Variants in IL34 observed in about 807,000 individuals in gnomAD.
The protein encoded by IL34 is interleukin 34.
Under a neutral mutation model 25.3 loss-of-function variants are expected in IL34, and 17 were observed. That is an observed-to-expected ratio of 0.67 (90% CI 0.46 to 1.01). The LOEUF is 1.01. IL34 is among the 50% of genes least tolerant of loss of function. The pLI is 0.00. For missense variants in IL34, 368 were observed against 312.9 expected (o/e 1.18, Z -1.33); for synonymous variants, 174 against 140.9 (o/e 1.23, Z -1.66).
chr16:70,628,243 T>C (rs1411872172), intron 1 of IL34, among the ~76,000 whole-genome samples: 2 of 152,206 alleles, frequency 1.3e-5, no homozygotes, highest in Non-Finnish European at 2.9e-5. Context: ...TTTAAATTTA[T>C]ACATTAACTT....
chr16:70,659,111 G>A lies in IL34; in HGVS notation c.403-507G>A, dbSNP rs28641073. Among the ~76,000 whole-genome samples the A allele has an allele frequency of 8.3e-3, 1,268 of 152,222 alleles. 18 individuals carry two copies. The highest frequency in any genetic ancestry group is 0.029 in the African/African-American group (1,195 of 41,510). On this transcript the variant is annotated intron_variant, in intron 4 of 5. Coordinates refer to ENST00000288098, the MANE Select transcript of IL34 (RefSeq NM_001393494.1). The stretch of plus-strand genomic sequence containing the variant: ...TGTTCAGGGACTTGATTCCCTTGGT[G>A]CCACGGTGCACCCCACATGACCCTG...
intron 1 of IL34, among the ~76,000 whole-genome samples, chr16:70,617,177 A>G (rs534504650): frequency 1.1e-3 from 169 of 152,308 alleles, no homozygotes; most frequent in Middle Eastern, 6.8e-3. Context: ...ATGATTTTGT[A>G]TGAATTGAAA....
upstream of IL34, among the ~76,000 whole-genome samples, chr16:70,645,509 G>T (rs1271819387): frequency 6.6e-6 from 1 of 152,346 alleles, no homozygotes; most frequent in South Asian, 2.1e-4. Flanking sequence ...CTGCAGAGCA[G>T]ACACAATGGT....
chr16:70,582,347 CTG>C (rs2050644752), intron 1 of IL34, among the ~76,000 whole-genome samples: 1 of 152,250 alleles, frequency 6.6e-6, no homozygotes, highest in African/African-American at 2.4e-5. Context: ...CTTGGACAGA[CTG>C]GAGAGTTTCT....
rs1196108722 is a variant in IL34 at position 70,625,458 on chromosome 16, G to A, written c.-400-21090G>A. 1.3e-5 allele frequency among the ~76,000 whole-genome samples: 2 copies of A among 152,132 alleles called. 1 individual carries two copies. The highest frequency in any genetic ancestry group is 4.1e-4 in the South Asian group (2 of 4,828). ...CTTGCCGCTAAGGGCGAAGGAGAAG[G>A]GGTTGAGGGGTACTTGCCCCTTCCC... On this transcript the variant is annotated intron_variant, in intron 1 of 6. Transcript: ENST00000429149.
At chr16:70,643,453 C>T (rs1436758833), upstream of IL34, among the ~76,000 whole-genome samples, 3 of 152,226 alleles carry the variant, frequency 2.0e-5, no homozygotes, top group Non-Finnish European at 4.4e-5. Context: ...TCACTGCAGC[C>T]TTGACCTCCC....
intron 1 of IL34, among the ~76,000 whole-genome samples, chr16:70,649,184 C>G (rs540901794): frequency 6.6e-6 from 1 of 152,330 alleles, no homozygotes; most frequent in East Asian, 1.9e-4. Flanking sequence ...TAGAAGAAAA[C>G]AGCTTTACTG....
chr16:70,642,054 A>C (rs2051796983), upstream of IL34, among the ~76,000 whole-genome samples: 1 of 152,206 alleles, frequency 6.6e-6, no homozygotes, highest in African/African-American at 2.4e-5. Context: ...TTCCATAAAA[A>C]AATACCATAG....
Position 70,660,165 on chromosome 16 carries a change from AG to A in IL34, c.710del (p.Gly237AlafsTer12). 1 of 1,596,964 alleles carries A rather than the reference AG, an allele frequency of 6.3e-7. No homozygotes were observed. Among genetic ancestry groups the A allele is most frequent in the African/African-American group, 1.3e-5 (1 of 74,360 alleles). ...STGSVRPVRA[Q>X]GEGLLP is the part of the protein sequence containing the mutation. ...GGCTCGGTGAGGCCGGTCAGGGCAC[AG>A]GGCGAGGGCCTCTTGCCCTGAGCAC... On this transcript the variant is annotated frameshift_variant, in exon 6 of 6. Coordinates refer to ENST00000288098, the MANE Select transcript of IL34 (RefSeq NM_001393494.1). LOFTEE classifies it low-confidence loss of function (END_TRUNC).
At chr16:70,608,239 C>T (rs2051041232) in intron 1 of IL34, among the ~76,000 whole-genome samples, 1 of 151,454 alleles carries the variant, frequency 6.6e-6, no homozygotes, top group South Asian at 2.1e-4. Flanking sequence ...AGCCATTCTC[C>T]TGCCTTAGCC....
At chr16:70,647,502 G>A (rs2051969361) in intron 1 of IL34, among the ~76,000 whole-genome samples, 2 of 152,230 alleles carry the variant, frequency 1.3e-5, no homozygotes, top group South Asian at 4.1e-4. Flanking sequence ...AAGTTGAAAT[G>A]AGGACAGAAA....
chr16:70,638,757 T>A (rs1356222120), intron 1 of IL34, among the ~76,000 whole-genome samples: 1 of 151,936 alleles, frequency 6.6e-6, no homozygotes, highest in Non-Finnish European at 1.5e-5. Context: ...TAAAAAAAAA[T>A]TATTTGTAGA....
chr16:70,605,861 G>A (rs2050994867), intron 1 of IL34, among the ~76,000 whole-genome samples: 2 of 151,596 alleles, frequency 1.3e-5, no homozygotes, highest in Admixed American at 6.6e-5. Context: ...TAGTAGAGAC[G>A]GGGTTTCATC....
intron 1 of IL34, among the ~76,000 whole-genome samples, chr16:70,582,628 A>C (rs2050647979): frequency 6.6e-6 from 1 of 152,260 alleles, no homozygotes; most frequent in Non-Finnish European, 1.5e-5. Flanking sequence ...TTACCGTGGA[A>C]GTCAAGGCTG....
intron 1 of IL34, among the ~76,000 whole-genome samples, chr16:70,620,070 C>T (rs1238888443): frequency 6.6e-6 from 1 of 152,028 alleles, no homozygotes; most frequent in African/African-American, 2.4e-5. Context: ...TTATTGTACA[C>T]CTTGAAGGCG....
chr16:70,599,829 T>A (rs1466146795), intron 1 of IL34, among the ~76,000 whole-genome samples: 1 of 151,974 alleles, frequency 6.6e-6, no homozygotes, highest in Non-Finnish European at 1.5e-5. Context: ...CACACACTAC[T>A]ACACCTGGCC....
chr16:70,616,163 T>G (rs780082950), intron 1 of IL34, among the ~76,000 whole-genome samples: 1 of 152,224 alleles, frequency 6.6e-6, no homozygotes, highest in Non-Finnish European at 1.5e-5. Flanking sequence ...AAAAATCTCA[T>G]ACACGTGGCC....
chr16:70,599,262 A>AATGTCTTT (rs1445816612), intron 1 of IL34, among the ~76,000 whole-genome samples: 2 of 84,466 alleles, frequency 2.4e-5, no homozygotes, highest in African/African-American at 1.1e-4. Context: ...TATGTCAAGA[A>AATGTCTTT]CTGTTTCTTT....
At chr16:70,659,817 C>A in intron 5 of IL34, 64 bp downstream of exon 5, 3 of 1,546,924 alleles carry the variant, frequency 1.9e-6, no homozygotes, top group Non-Finnish European at 2.6e-6. Flanking sequence ...CCACCCAGGC[C>A]AGCTGGCAGA....
Sources: gnomAD v4.1 joint callset for allele counts (sites outside exome capture counted in the v4.1 genomes callset) on GRCh38, gnomAD v4.1.1 for gene constraint, MANE v1.5 for transcripts, NCBI Gene and HGNC (gene_info 2026-07-23, HGNC 2026-07-21) for gene names.